The following HCRTR2 variants were observed in gnomAD, a reference collection of about 807,000 sequenced individuals.
The protein encoded by HCRTR2 is hypocretin receptor 2.
In HCRTR2, 22 loss-of-function variants were observed where a neutral mutation model predicts 49.0. That is an observed-to-expected ratio of 0.45 (90% confidence interval 0.32 to 0.64). The LOEUF is 0.64. Among genes scored for constraint, HCRTR2 ranks in the 30% least tolerant of loss-of-function variants. The probability of loss-of-function intolerance (pLI) is 0.04; values close to 1 mark genes in which losing one functional copy is unlikely to be tolerated. For missense variants in HCRTR2, 491 were observed against 559.4 expected (o/e 0.88, Z 1.23); for synonymous variants, 236 against 205.3 (o/e 1.15, Z -1.28).
intron 1 of HCRTR2, among the ~76,000 whole-genome samples, chr6:55,194,097 A>T (rs1765369236): frequency 7.9e-5 from 12 of 152,200 alleles, no homozygotes; most frequent in Admixed American, 7.9e-4. Context: ...AGAAAAAACA[A>T]AAAACAAAAA....
intron 1 of HCRTR2, among the ~76,000 whole-genome samples, chr6:55,131,334 T>A (rs1410943249): frequency 6.6e-6 from 1 of 151,836 alleles, no homozygotes; most frequent in African/African-American, 2.4e-5. Flanking sequence ...ACAAATGTAA[T>A]TTATCTTTAA....
At chr6:55,196,244 A>G (rs1431575012) in intron 1 of HCRTR2, among the ~76,000 whole-genome samples, 1 of 152,142 alleles carries the variant, frequency 6.6e-6, no homozygotes, top group African/African-American at 2.4e-5. Flanking sequence ...TGGGGGAGTT[A>G]TCAATCACAG....
intron 1 of HCRTR2, among the ~76,000 whole-genome samples, chr6:55,144,218 T>C (rs1278554053): frequency 6.7e-6 from 1 of 149,366 alleles, no homozygotes; most frequent in Non-Finnish European, 1.5e-5. Flanking sequence ...GTTCAAGCAA[T>C]TCTCTTGCCT....
At chr6:55,113,584 C>T (rs111419763) in intron 1 of HCRTR2, among the ~76,000 whole-genome samples, 30 of 151,842 alleles carry the variant, frequency 2.0e-4, no homozygotes, top group African/African-American at 7.2e-4. Context: ...AATGTGATAC[C>T]ACCCTACTCC....
At chr6:55,282,040 A>C (rs1203152461) in intron 6 of HCRTR2, among the ~76,000 whole-genome samples, 185 bp from the exon 7 acceptor site, 1 of 152,110 alleles carries the variant, frequency 6.6e-6, no homozygotes, top group East Asian at 1.9e-4. Flanking sequence ...GAAAATATTC[A>C]TTGTTTCAAG....
At chr6:55,221,531 G>C (rs931179945) in intron 1 of HCRTR2, among the ~76,000 whole-genome samples, 1 of 152,032 alleles carries the variant, frequency 6.6e-6, no homozygotes, top group Non-Finnish European at 1.5e-5. Context: ...TTAAAGATCT[G>C]GGCCGGGCGT....
intron 1 of HCRTR2, among the ~76,000 whole-genome samples, chr6:55,133,940 A>T (rs9464197): frequency 0.62 from 94,215 of 151,686 alleles, 30,437 homozygotes; most frequent in African/African-American, 0.73. Flanking sequence ...TTTTTCTTAT[A>T]CAGCAAGTGA....
intron 1 of HCRTR2, among the ~76,000 whole-genome samples, chr6:55,124,534 T>C (rs1465447071): frequency 6.6e-6 from 1 of 152,212 alleles, no homozygotes; most frequent in Admixed American, 6.5e-5. Flanking sequence ...CTTCCGATTA[T>C]GTGGTCAATT....
At chr6:55,202,164 C>T (rs1765523264) in intron 1 of HCRTR2, among the ~76,000 whole-genome samples, 1 of 152,156 alleles carries the variant, frequency 6.6e-6, no homozygotes, top group African/African-American at 2.4e-5. Context: ...GCTTCTAAAA[C>T]AGCTTTGGTG....
intron 1 of HCRTR2, among the ~76,000 whole-genome samples, chr6:55,237,243 A>G (rs1766231409): frequency 6.6e-6 from 1 of 152,184 alleles, no homozygotes; most frequent in African/African-American, 2.4e-5. Flanking sequence ...GAAAAATTGT[A>G]GAAATTATTT....
At chr6:55,256,093 C>T (rs1288952988) in intron 3 of HCRTR2, among the ~76,000 whole-genome samples, 1 of 152,062 alleles carries the variant, frequency 6.6e-6, no homozygotes, top group Non-Finnish European at 1.5e-5. Context: ...AGTGAGAATA[C>T]TGCTATCAAC....
At chr6:55,231,422 G>T (rs1386510608) in intron 1 of HCRTR2, among the ~76,000 whole-genome samples, 2 of 152,006 alleles carry the variant, frequency 1.3e-5, no homozygotes, top group Non-Finnish European at 2.9e-5. Context: ...ATGGCAAATA[G>T]AATCAAAAGG....
chr6:55,114,124 G>T (rs900255898), intron 1 of HCRTR2, among the ~76,000 whole-genome samples: 1 of 151,670 alleles, frequency 6.6e-6, no homozygotes, highest in African/African-American at 2.4e-5. Context: ...GGAACTTTGG[G>T]GGAAAAGTGG....
chr6:55,228,913 C>CT (rs1369320771), intron 1 of HCRTR2, among the ~76,000 whole-genome samples: 4 of 151,800 alleles, frequency 2.6e-5, no homozygotes, highest in South Asian at 2.1e-4. Flanking sequence ...CTTTTCAGCA[C>CT]TTTTTTTTGG....
chr6:55,251,805 G>C (rs1307191024), intron 2 of HCRTR2, among the ~76,000 whole-genome samples: 1 of 151,954 alleles, frequency 6.6e-6, no homozygotes, highest in Non-Finnish European at 1.5e-5. Context: ...CCTGTGCGAA[G>C]GGTGCCCATA....
intron 1 of HCRTR2, among the ~76,000 whole-genome samples, chr6:55,121,142 T>C (rs951736571): frequency 7.9e-5 from 12 of 152,272 alleles, no homozygotes; most frequent in African/African-American, 2.9e-4. Context: ...GTATCCTCTT[T>C]TATTTCGTTG....
intron 1 of HCRTR2, among the ~76,000 whole-genome samples, chr6:55,227,783 CA>C (rs1374435117): frequency 1.3e-5 from 2 of 151,316 alleles, no homozygotes; most frequent in Non-Finnish European, 2.9e-5. Context: ...CTACTGTGAA[CA>C]AAGCAAAAAG....
chr6:55,138,817 C>T (rs1764465790), intron 1 of HCRTR2, among the ~76,000 whole-genome samples: 1 of 152,212 alleles, frequency 6.6e-6, no homozygotes, highest in Admixed American at 6.5e-5. Flanking sequence ...TTCCTCTCAA[C>T]TATATATGTT....
At chr6:55,158,005 G>A (rs1764753242) in intron 1 of HCRTR2, among the ~76,000 whole-genome samples, 2 of 152,152 alleles carry the variant, frequency 1.3e-5, no homozygotes, top group African/African-American at 4.8e-5. Flanking sequence ...GACCATCCAG[G>A]AGGTGGCTGG....
Sources: allele counts gnomAD v4.1 joint callset (sites outside exome capture counted in the v4.1 genomes callset), GRCh38; gene constraint gnomAD v4.1.1; transcripts MANE v1.5; gene names NCBI Gene and HGNC (gene_info 2026-07-23, HGNC 2026-07-21).